Variants in MAP3K12 observed in about 807,000 individuals in gnomAD.
MAP3K12 encodes the protein mitogen-activated protein kinase kinase kinase 12.
MAP3K12 carries 14 observed loss-of-function variants against 87.5 expected under a neutral mutation model. That is an observed-to-expected ratio of 0.16 (90% confidence interval 0.11 to 0.25). MAP3K12 has a LOEUF of 0.25. Among genes scored for constraint, MAP3K12 ranks in the 10% least tolerant of loss-of-function variants. MAP3K12 has a pLI of 1.00. For synonymous variants in MAP3K12, 469 were observed against 452.5 expected, an observed-to-expected ratio of 1.04 and a Z score of -0.46; for missense variants, 802 against 1,140.4, an observed-to-expected ratio of 0.70 and a Z score of 4.27.
intron 11 of MAP3K12, 75 bp from the exon 12 acceptor site, chr12:53,482,444 A>G (rs1481220225): frequency 3.1e-6 from 5 of 1,606,124 alleles, no homozygotes; most frequent in Non-Finnish European, 4.3e-6. Context: ...AGAAGGGAAC[A>G]TAGTTACGAA....
rs1231900750 is a variant in MAP3K12, at chr12:53,480,777, T to G, written c.*405A>C. The G allele has an allele frequency of 6.6e-6, 1 of 152,594 alleles. No homozygotes were observed. Among genetic ancestry groups the G allele is most frequent in the African/African-American group, 2.4e-5 (1 of 41,428 alleles). The allele number at this position is 152,594 out of a possible 1,614,324, so 9.5% of individuals were successfully genotyped here. A position where few individuals can be genotyped will look rare whatever the true frequency, so the allele number is the denominator to read the frequency against. On this transcript the variant is annotated 3_prime_UTR_variant, in exon 14 of 14. Transcript: ENST00000547488. The stretch of plus-strand genomic sequence containing the variant: ...CCTCCCTCCTCCCAAGTGCAAAATG[T>G]GTAAACAGAGTAAACGGAACAGAAA...
At chr12:53,489,504 C>A (rs1260658422) in intron 1 of MAP3K12, among the ~76,000 whole-genome samples, 1 of 152,224 alleles carries the variant, frequency 6.6e-6, no homozygotes, top group Non-Finnish European at 1.5e-5. Flanking sequence ...AGGCGCCATG[C>A]TGGTCTCCCA....
chr12:53,481,942 C>T lies in MAP3K12; in HGVS notation c.2579G>A (p.Arg860Gln), dbSNP rs765801295. The change falls in exon 13 of 14, where the codon CGG becomes CAG. Residue 860 changes from arginine (R) to glutamine (Q), a missense_variant and splice_region_variant. Physicochemically the swap from Arg to Gln is conservative, Grantham distance 43. Around this residue, in one of 5 missense-constraint regions of MAP3K12, gnomAD observed 490 missense variants for 496.6 expected, o/e 0.99. Transcript: ENST00000547488. The part of the protein sequence containing the change: ...PIPHQELLRE[R>Q]GPPNSEDSDC... ...GCTTTTTGCTGTTGTGCCACTCACC[C>T]GCTCTCTGAGAAGTTCCTGGTGTGG... 1.1e-5 allele frequency: 17 copies of T among 1,610,996 alleles called. No homozygotes were observed. Among genetic ancestry groups the T allele is most frequent in the East Asian group, 2.2e-5 (1 of 44,766 alleles).
intron 8 of MAP3K12, 75 bp from the exon 9 acceptor site, chr12:53,483,798 C>T: frequency 6.2e-7 from 1 of 1,612,338 alleles, no homozygotes; most frequent in Non-Finnish European, 8.5e-7. Context: ...TCTCAGAATT[C>T]CTGTCCACAG....
intron 6 of MAP3K12, 121 bp downstream of exon 6, chr12:53,484,935 C>T (rs1943188386): frequency 4.4e-5 from 57 of 1,294,542 alleles, no homozygotes; most frequent in Non-Finnish European, 6.0e-5. Flanking sequence ...GAGCCTGATT[C>T]AGATGAAAGT....
At chr12:53,489,759 T>C (rs1175155426) in intron 1 of MAP3K12, among the ~76,000 whole-genome samples, 2 of 152,194 alleles carry the variant, frequency 1.3e-5, no homozygotes, top group Admixed American at 1.3e-4. Flanking sequence ...ATAGTTCTTG[T>C]AATAATTACC....
At chr12:53,497,869 G>C (rs1273732481) in intron 1 of MAP3K12, among the ~76,000 whole-genome samples, 1 of 152,166 alleles carries the variant, frequency 6.6e-6, no homozygotes, top group Admixed American at 6.5e-5. Context: ...CGAGAGTCCG[G>C]GCTGTGAGTG....
Position 53,483,352 on chromosome 12 carries a change from T to C in MAP3K12, c.1610A>G (p.Lys537Arg). The change falls in exon 10 of 14, where the codon AAA becomes AGA. Residue 537 changes from lysine to arginine, a missense_variant. Physicochemically the swap from Lys to Arg is conservative, Grantham distance 26 (BLOSUM62 2). Coordinates refer to ENST00000547488, the MANE Select transcript of MAP3K12 (RefSeq NM_001193511.2). ...AACCACAGTACTCATGTCCCACCTT[T>C]TGCTATGGGGTGACAGCTTCTGTGG... ...NVPQKLSPHS[K>R]RPDILKTESL... 1 of 1,614,026 alleles carries C rather than the reference T, an allele frequency of 6.2e-7. No homozygotes were observed. The highest frequency in any genetic ancestry group is 2.2e-5 in the East Asian group (1 of 44,882).
rs769176033 is a variant in MAP3K12 at position 53,483,105 on chromosome 12, G to C, written c.1698C>G (p.Gly566=). 3.3e-5 allele frequency: 51 copies of C among 1,525,016 alleles called. No individual in the cohort carries two copies. The Admixed American group carries it at 1.1e-3, about 32-fold the overall frequency. 94.5% of individuals were successfully genotyped at this position (1,525,016 alleles called of 1,614,324 possible). The change falls in exon 11 of 14, where the codon GGC becomes GGG. Residue 566 remains glycine (G), a synonymous_variant. Transcript: ENST00000547488. ...SGVGLPGCPK[G]PPSPGRSRRG... is the part of the protein sequence containing the mutation. ...GGCGACTCCGTCCTGGTGAGGGGGG[G>C]CCCTTAGGACACCCAGGAAGCCCCA...
intron 1 of MAP3K12, among the ~76,000 whole-genome samples, chr12:53,490,829 T>A (rs1444096217): frequency 2.6e-5 from 4 of 151,936 alleles, no homozygotes; most frequent in Non-Finnish European, 5.9e-5. Context: ...GAGGATACCT[T>A]GAGCCTGGGA....
rs1428548380 is a variant in MAP3K12 at position 53,485,460 on chromosome 12, G to A, written c.837C>T (p.Tyr279=). ...AATCTGAGATCTTCACCACATCGTC[G>A]TAGGTGATTAGCATGCTGGTAAAGA... ...DLKSPNMLIT[Y]DDVVKISDFG... The change falls in exon 5 of 14, where the codon TAC becomes TAT. Residue 279 remains tyrosine, a synonymous_variant. Coordinates refer to ENST00000547488, the MANE Select transcript of MAP3K12 (RefSeq NM_001193511.2). 6 of 1,613,928 alleles carry A rather than the reference G, an allele frequency of 3.7e-6. No individual in the cohort carries two copies. Among genetic ancestry groups the A allele is most frequent in the Non-Finnish European group, 5.1e-6 (6 of 1,179,948 alleles).
intron 1 of MAP3K12, among the ~76,000 whole-genome samples, chr12:53,491,424 C>T (rs1943401460): frequency 6.6e-6 from 1 of 150,964 alleles, no homozygotes; most frequent in Non-Finnish European, 1.5e-5. Flanking sequence ...GTTTTACAGA[C>T]TAAGGCATAG....
Position 53,483,288 on chromosome 12 carries a change from A to AT in MAP3K12, c.1613+60dup. The AT allele has an allele frequency of 3.8e-6, 6 of 1,590,676 alleles. No individual in the cohort carries two copies. The South Asian group carries it at 7.0e-5, about 18-fold the overall frequency. ...CTAAAGTACACATCTCCCTGCTAAT[A>AT]TACCTGTTGCCACTTCAGTATCCCT... is the stretch of plus-strand genomic sequence containing the variant. On this transcript the variant is annotated intron_variant, in intron 10 of 13. Transcript: ENST00000547488.
Position 53,485,518 on chromosome 12 carries a change from C to CA in MAP3K12, c.822-44dup, listed in dbSNP as rs777786722. On this transcript the variant is annotated intron_variant, in intron 4 of 13. Coordinates refer to ENST00000547488, the MANE Select transcript of MAP3K12 (RefSeq NM_001193511.2). ...CAGCTGGGGTCCACACCCCTCCACA[C>CA]ACCTCATCTAACTCTGCAGCAACTC... The CA allele has an allele frequency of 4.4e-6, 7 of 1,591,240 alleles. No individual in the cohort carries two copies. In the African/African-American group the frequency reaches 9.4e-5, roughly 21 times the overall value.
intron 6 of MAP3K12, 148 bp from the exon 7 acceptor site, chr12:53,484,513 AG>A (rs1485638215): frequency 1.6e-6 from 1 of 632,674 alleles, no homozygotes; most frequent in Admixed American, 2.6e-5. Context: ...CTGTCTCTAG[AG>A]AATATTACAC....
In MAP3K12 at chr12:53,483,960, G is replaced by A. The variant is rs1565885507; in HGVS notation, c.1309C>T (p.Leu437=). 6.2e-7 allele frequency: 1 copy of A among 1,614,048 alleles called. No individual in the cohort carries two copies. The highest frequency in any genetic ancestry group is 8.5e-7 in the Non-Finnish European group (1 of 1,180,032). ...ACCAGTTCCTCTTCTAGGCGGTGCA[G>A]ACAGGTCCCTTCTGACTTAATCTTT... The part of the protein sequence containing the change: ...FEKIKSEGTC[L]HRLEEELVMR... The change falls in exon 8 of 14, where the codon CTG becomes TTG. Residue 437 remains leucine (L), a synonymous_variant. Transcript: ENST00000547488.
At position 53,482,868 on chromosome 12, in the gene MAP3K12, G is replaced by A; in HGVS notation, c.1935C>T (p.Asp645=). 1.2e-6 allele frequency: 2 copies of A among 1,613,050 alleles called. No individual in the cohort carries two copies. Among genetic ancestry groups the A allele is most frequent in the South Asian group, 1.1e-5 (1 of 90,984 alleles). ...GGGACCCTAGTGCTGCTGACAGCAG[G>A]TCTGGGGACGATGAAGACATTTTGC... ...LLRKMSSSSP[D]LLSAALGSRG... is the part of the protein sequence containing the mutation. Residue 645 remains aspartate, a synonymous_variant, in exon 11 of 14, where the codon GAC becomes GAT. Transcript: ENST00000547488.
intron 1 of MAP3K12, 65 bp from the exon 2 acceptor site, chr12:53,487,493 T>C: frequency 5.4e-6 from 8 of 1,480,670 alleles, no homozygotes; most frequent in Non-Finnish European, 7.2e-6. Context: ...TCAGGACACT[T>C]ATCCCAGAGG....
intron 1 of MAP3K12, among the ~76,000 whole-genome samples, chr12:53,489,796 T>TG (rs896479191): frequency 1.2e-4 from 18 of 152,294 alleles, no homozygotes; most frequent in Middle Eastern, 3.4e-3. Context: ...GACTTTTTCC[T>TG]GGGGGGTGAG....
Sources: allele counts gnomAD v4.1 joint callset (sites outside exome capture counted in the v4.1 genomes callset), GRCh38; gene constraint gnomAD v4.1.1; regional missense constraint gnomAD v4.1.1; transcripts MANE v1.5; gene names NCBI Gene and HGNC (gene_info 2026-07-23, HGNC 2026-07-21).